GRIP2: variants seen among roughly 807,000 people sequenced by gnomAD.
GRIP2 encodes the protein glutamate receptor interacting protein 2.
In GRIP2, 58 loss-of-function variants were observed where a neutral mutation model predicts 108.3. That is an observed-to-expected ratio of 0.54 (90% CI 0.43 to 0.67). The LOEUF is 0.67. Among genes scored for constraint, GRIP2 ranks in the 30% least tolerant of loss-of-function variants. GRIP2 has a pLI of 0.00. For synonymous variants in GRIP2, 586 were observed against 598.2 expected, an observed-to-expected ratio of 0.98 and a Z score of 0.30; for missense variants, 1,278 against 1,430.6, an observed-to-expected ratio of 0.89 and a Z score of 1.72.
rs574044423 is a variant in GRIP2 at position 14,539,005 on chromosome 3, G to A, written c.40+1264C>T. 2.0e-5 allele frequency among the ~76,000 whole-genome samples: 3 copies of A among 152,342 alleles called. No individual in the cohort carries two copies. In the South Asian group the frequency reaches 6.2e-4, roughly 32 times the overall value. ...AGGTGACCCCACTCACCTGGGCCTT[G>A]GGTTGAAAGAACAGATGTGTCCAGG... On this transcript the variant is annotated intron_variant, in intron 1 of 23. Transcript: ENST00000621039.
Position 14,505,798 on chromosome 3 carries a change from G to A in GRIP2, c.2399-9C>T, listed in dbSNP as rs921994252. 3 of 1,509,470 alleles carry A rather than the reference G, an allele frequency of 2.0e-6. No homozygotes were observed. Among genetic ancestry groups the A allele is most frequent in the Non-Finnish European group, 2.7e-6 (3 of 1,130,482 alleles). 93.5% of individuals were successfully genotyped at this position (1,509,470 alleles called of 1,614,324 possible). A position where few individuals can be genotyped will look rare whatever the true frequency, so the allele number is the denominator to read the frequency against. On this transcript the variant is annotated splice_polypyrimidine_tract_variant and intron_variant, in intron 19 of 23. Transcript: ENST00000621039. The surrounding 1 kb of genome is among the most constrained non-coding windows in gnomAD (Gnocchi z 4.2). ...CTGTGGTGTATAGGACCCTGGTGGT[G>A]GAGAGAGGGCCTCTGTGTTCCCTGC...
chr3:14,517,604 C>T (rs1249613491), intron 10 of GRIP2, among the ~76,000 whole-genome samples, 168 bp downstream of exon 10: 3 of 149,836 alleles, frequency 2.0e-5, no homozygotes, highest in Non-Finnish European at 4.4e-5. Flanking sequence ...CAGGCTGAAG[C>T]GATCCTCCCG....
chr3:14,600,915 G>T, the GRIP2 span, among the ~76,000 whole-genome samples: 3 of 152,282 alleles, frequency 2.0e-5, no homozygotes, highest in Non-Finnish European at 2.9e-5. Context: ...TCTCTCAAGA[G>T]ATGTGTTCAG....
At chr3:14,530,162 C>T (rs4684232) in intron 1 of GRIP2, among the ~76,000 whole-genome samples, 62,821 of 152,088 alleles carry the variant, frequency 0.41, 14,175 homozygotes, top group South Asian at 0.61. Flanking sequence ...CCCTGATAGA[C>T]GGGTGAATAT....
chr3:14,494,730 C>A (rs1693532613), intron 23 of GRIP2, 113 bp downstream of exon 23: 7 of 1,321,450 alleles, frequency 5.3e-6, no homozygotes. Context: ...GCTAACCTGA[C>A]TCAGACTTGC....
chr3:14,585,393 G>C, the GRIP2 span, among the ~76,000 whole-genome samples: 4 of 152,368 alleles, frequency 2.6e-5, no homozygotes, highest in African/African-American at 9.6e-5. Flanking sequence ...CCTGATGTTA[G>C]TGAGCCCCCA....
At chr3:14,579,933 T>A in the GRIP2 span, among the ~76,000 whole-genome samples, 1 of 152,192 alleles carries the variant, frequency 6.6e-6, no homozygotes, top group African/African-American at 2.4e-5. Flanking sequence ...CTGCACTCGG[T>A]GCCATACGGG....
intron 9 of GRIP2, among the ~76,000 whole-genome samples, chr3:14,519,219 G>A (rs1220144588): frequency 6.6e-6 from 1 of 152,202 alleles, no homozygotes; most frequent in Non-Finnish European, 1.5e-5. Context: ...AGCTGGCAGA[G>A]ACCATAGAGA....
chr3:14,496,615 G>A, intron 21 of GRIP2, 55 bp from the exon 22 acceptor site: 1 of 1,558,290 alleles, frequency 6.4e-7, no homozygotes, highest in Non-Finnish European at 8.7e-7. Context: ...CCATCAGGCA[G>A]TCAGCATCCA....
chr3:14,489,959 A>T lies in GRIP2; in HGVS notation c.*3706T>A, dbSNP rs1701294612. 1 of 152,192 alleles carries T rather than the reference A, an allele frequency of 6.6e-6. No individual in the cohort carries two copies. The allele number at this position is 152,192 out of a possible 1,614,324, so 9.4% of individuals were successfully genotyped here. ...TGTTTGGGGCAGCCTTCCTGCCAACAGCGCCCCCCACCCTTTGGGATGGAC... is the reference window on the plus strand; with the variant it reads ...TGTTTGGGGCAGCCTTCCTGCCAACTGCGCCCCCCACCCTTTGGGATGGAC... On this transcript the variant is annotated 3_prime_UTR_variant, in exon 24 of 24. Transcript: ENST00000621039.
the GRIP2 span, among the ~76,000 whole-genome samples, chr3:14,586,392 G>C: frequency 6.6e-6 from 1 of 152,228 alleles, no homozygotes; most frequent in South Asian, 2.1e-4. Context: ...AACAGTTGTA[G>C]AATGACTGAA....
In GRIP2 at chr3:14,512,885, T is replaced by C; in HGVS notation, c.1640-28A>G. ...GGGGGTAGATGGACATAAACCGACGTGAGGACCCAGAGGAGGAGCCTCAGC... is the reference window on the plus strand; with the variant it reads ...GGGGGTAGATGGACATAAACCGACGCGAGGACCCAGAGGAGGAGCCTCAGC... On this transcript the variant is annotated intron_variant, in intron 13 of 23. Coordinates refer to ENST00000621039, the MANE Select transcript of GRIP2 (RefSeq NM_001080423.4). The surrounding 1 kb of genome is among the most constrained non-coding windows in gnomAD (Gnocchi z 5.1). 6.2e-7 allele frequency: 1 copy of C among 1,607,962 alleles called. No homozygotes were observed. Among genetic ancestry groups the C allele is most frequent in the Non-Finnish European group, 8.5e-7 (1 of 1,174,686 alleles).
intron 7 of GRIP2, 112 bp from the exon 8 acceptor site, chr3:14,520,649 C>G: frequency 9.9e-7 from 1 of 1,010,860 alleles, no homozygotes; most frequent in Non-Finnish European, 1.5e-6. Flanking sequence ...CTGTTATACC[C>G]ATTTGATTAA....
the GRIP2 span, among the ~76,000 whole-genome samples, chr3:14,572,062 T>C: frequency 5.9e-5 from 9 of 152,146 alleles, no homozygotes; most frequent in Non-Finnish European, 4.4e-5. Flanking sequence ...GTTAAAAATA[T>C]GCATATCCTG....
the GRIP2 span, among the ~76,000 whole-genome samples, chr3:14,592,056 T>C: frequency 1.3e-5 from 2 of 152,206 alleles, no homozygotes; most frequent in Non-Finnish European, 2.9e-5. Context: ...ATTGAATGGA[T>C]GACTTTAAGT....
chr3:14,511,087 A>G lies in GRIP2; in HGVS notation c.1933+78T>C. 1.3e-6 allele frequency: 2 copies of G among 1,536,164 alleles called. No individual in the cohort carries two copies. The highest frequency in any genetic ancestry group is 2.4e-5 in the South Asian group (2 of 81,836). ...CACCCTCCCTTCCTCGGCTGGAGGG[A>G]GCCCTGAATTGCAAGCTGGGAACCC... On this transcript the variant is annotated intron_variant, in intron 16 of 23. Transcript: ENST00000621039. This position sits in a 1 kb window ranked among gnomAD's most constrained non-coding sequence, Gnocchi z 4.1.
At chr3:14,525,328 G>C (rs189435508) in intron 3 of GRIP2, 109 bp downstream of exon 3, 71 of 1,349,992 alleles carry the variant, frequency 5.3e-5, no homozygotes, top group Non-Finnish European at 1.7e-5. Context: ...CCTGGAAACA[G>C]CTGCCTGATT....
intron 1 of GRIP2, among the ~76,000 whole-genome samples, chr3:14,554,518 T>C (rs532434046): frequency 3.8e-4 from 58 of 152,166 alleles, no homozygotes; most frequent in African/African-American, 1.4e-3. Context: ...AAGAGAGGCC[T>C]GTTCCTGATG....
upstream of GRIP2, chr3:14,540,381 CAGGGAGGGG>C: frequency 6.2e-7 from 1 of 1,610,900 alleles, no homozygotes; most frequent in African/African-American, 1.3e-5. This position sits in a 1 kb window ranked among gnomAD's most constrained non-coding sequence, Gnocchi z 4.1. Flanking sequence ...CTCCCCTCCC[CAGGGAGGGG>C]CTGTGGGAGG....
Sources: allele counts gnomAD v4.1 joint callset (sites outside exome capture counted in the v4.1 genomes callset), GRCh38; gene constraint gnomAD v4.1.1; non-coding constraint Gnocchi (gnomAD v3.1); transcripts MANE v1.5; gene names NCBI Gene and HGNC (gene_info 2026-07-23, HGNC 2026-07-21).